Variants in CACNA1C observed in about 807,000 individuals in gnomAD.
CACNA1C encodes the protein calcium voltage-gated channel subunit alpha1 C.
A neutral mutation model predicts 229.0 loss-of-function variants in CACNA1C; 30 were observed. That is an observed-to-expected ratio of 0.13 (90% CI 0.10 to 0.18). CACNA1C has a LOEUF of 0.18. CACNA1C is among the 10% of genes least tolerant of loss of function. CACNA1C has a pLI of 1.00. For missense variants in CACNA1C, 1,658 were observed against 2,845.0 expected (o/e 0.58, Z 9.49); for synonymous variants, 1,114 against 1,132.5 (o/e 0.98, Z 0.33).
rs78666941 is a variant in CACNA1C, at chr12:2,152,163, T to C, written c.477+31733T>C. ...CCACATTATGGCATGCACATTAATG[T>C]AGGGATTGTTCATACAAAAGAGGGC... On this transcript the variant is annotated intron_variant, in intron 3 of 46. Coordinates refer to ENST00000399655, the MANE Select transcript of CACNA1C (RefSeq NM_000719.7). The surrounding 1 kb of genome is among the most constrained non-coding windows in gnomAD (Gnocchi z 4.2). Among the ~76,000 whole-genome samples the C allele has an allele frequency of 0.011, 1,710 of 152,278 alleles. 29 individuals carry two copies. The highest frequency in any genetic ancestry group is 0.039 in the African/African-American group (1,617 of 41,552).
intron 3 of CACNA1C, among the ~76,000 whole-genome samples, chr12:2,406,003 T>C (rs573145203): frequency 6.6e-6 from 1 of 152,356 alleles, no homozygotes; most frequent in East Asian, 1.9e-4. Flanking sequence ...TATTTCCCCT[T>C]CATTTGTGAA....
chr12:2,256,343 A>G lies in CACNA1C; in HGVS notation c.477+135913A>G, dbSNP rs369873473. On this transcript the variant is annotated intron_variant, in intron 3 of 46. Transcript: ENST00000399655. Reference sequence around the variant, plus strand: ...CATTGGTGTCTTAAAAATGACTTAAACACATAATTGGAACTGTTTTGCTAA... The same window carrying G: ...CATTGGTGTCTTAAAAATGACTTAAGCACATAATTGGAACTGTTTTGCTAA... 5.3e-5 allele frequency among the ~76,000 whole-genome samples: 8 copies of G among 152,334 alleles called. No homozygotes were observed. In the South Asian group the frequency reaches 1.5e-3, roughly 28 times the overall value.
At chr12:2,443,438 T>G (rs1004404950) in intron 3 of CACNA1C, among the ~76,000 whole-genome samples, 1 of 152,214 alleles carries the variant, frequency 6.6e-6, no homozygotes, top group African/African-American at 2.4e-5. Context: ...TCTGGGTGTT[T>G]CCATGCTATT....
chr12:2,010,015 A>C (rs2044119349), intron 1 of CACNA1C, among the ~76,000 whole-genome samples: 1 of 152,232 alleles, frequency 6.6e-6, no homozygotes, highest in African/African-American at 2.4e-5. Flanking sequence ...AATTAGTAGT[A>C]GTAAGAGTAT....
At chr12:2,298,630 A>G (rs570374882) in intron 3 of CACNA1C, among the ~76,000 whole-genome samples, 7 of 152,280 alleles carry the variant, frequency 4.6e-5, no homozygotes, top group African/African-American at 1.7e-4. Flanking sequence ...GGCTTTCAGG[A>G]CAGATTTGGT....
intron 11 of CACNA1C, among the ~76,000 whole-genome samples, chr12:2,562,931 A>T (rs2048282578): frequency 6.6e-6 from 1 of 152,214 alleles, no homozygotes; most frequent in South Asian, 2.1e-4. Context: ...ATAAATTATC[A>T]TGACTGTAGT....
intron 1 of CACNA1C, among the ~76,000 whole-genome samples, chr12:2,005,584 C>T (rs929986983): frequency 1.3e-5 from 2 of 149,286 alleles, no homozygotes; most frequent in African/African-American, 5.0e-5. Context: ...TATCTACTGC[C>T]ATGAGCTTGA....
rs116590927 is a variant in CACNA1C, at chr12:2,360,752, T to A, written c.478-88224T>A. Among the ~76,000 whole-genome samples, 1,340 of 152,300 alleles carry A rather than the reference T, an allele frequency of 8.8e-3. 16 individuals are homozygous for A. The highest frequency in any genetic ancestry group is 0.029 in the African/African-American group (1,211 of 41,518). ...TCCAGCTCTACCTTTCTGTCTCTAC[T>A]GGCTGTTTGAAGAATTGCAATGCTC... is the stretch of plus-strand genomic sequence containing the variant. On this transcript the variant is annotated intron_variant, in intron 3 of 46. Coordinates refer to ENST00000399655, the MANE Select transcript of CACNA1C (RefSeq NM_000719.7).
At chr12:2,551,412 C>T (rs554587182) in intron 10 of CACNA1C, among the ~76,000 whole-genome samples, 6 of 152,320 alleles carry the variant, frequency 3.9e-5, no homozygotes, top group African/African-American at 1.4e-4. Flanking sequence ...GAGAGCTCTG[C>T]AGAAATGGTC....
chr12:2,307,135 T>C (rs906608865), intron 3 of CACNA1C, among the ~76,000 whole-genome samples: 3 of 152,192 alleles, frequency 2.0e-5, no homozygotes, highest in African/African-American at 7.2e-5. Flanking sequence ...TCCTGGGTTG[T>C]ACCCTTGGGA....
At chr12:2,496,897 T>C (rs931856781) in intron 7 of CACNA1C, among the ~76,000 whole-genome samples, 8 of 152,160 alleles carry the variant, frequency 5.3e-5, no homozygotes, top group African/African-American at 1.9e-4. Flanking sequence ...CATCCTTTAC[T>C]CTCAGAATGT....
At chr12:2,414,465 A>G (rs1457412668) in intron 3 of CACNA1C, among the ~76,000 whole-genome samples, 1 of 152,188 alleles carries the variant, frequency 6.6e-6, no homozygotes, top group Non-Finnish European at 1.5e-5. Flanking sequence ...TAGTGGGAAC[A>G]GAAGGGAAGG....
intron 3 of CACNA1C, among the ~76,000 whole-genome samples, chr12:2,332,696 T>G (rs1167797950): frequency 1.3e-5 from 2 of 152,220 alleles, no homozygotes; most frequent in Non-Finnish European, 2.9e-5. Context: ...GAATAGGATG[T>G]GCCCATTTAA....
chr12:2,559,986 A>G (rs976511095), intron 11 of CACNA1C, among the ~76,000 whole-genome samples: 2 of 152,228 alleles, frequency 1.3e-5, no homozygotes, highest in Admixed American at 1.3e-4. Context: ...TTAATGACAT[A>G]TTTTGCATTC....
At chr12:2,276,901 CAG>C (rs1229703850) in intron 3 of CACNA1C, among the ~76,000 whole-genome samples, 1 of 151,978 alleles carries the variant, frequency 6.6e-6, no homozygotes, top group Non-Finnish European at 1.5e-5. Flanking sequence ...CCAGGGAGAC[CAG>C]AGAGACCAGA....
At chr12:2,304,635 A>T (rs2094864191) in intron 3 of CACNA1C, among the ~76,000 whole-genome samples, 1 of 152,068 alleles carries the variant, frequency 6.6e-6, no homozygotes, top group Non-Finnish European at 1.5e-5. Flanking sequence ...AGGCACAGAG[A>T]GCGGGTTGCT....
At chr12:2,333,380 G>A (rs534369979) in intron 3 of CACNA1C, among the ~76,000 whole-genome samples, 4 of 152,264 alleles carry the variant, frequency 2.6e-5, no homozygotes, top group African/African-American at 9.6e-5. Context: ...AACTGGGGGC[G>A]CTGGCCCCCA....
chr12:2,473,960 C>A (rs1249647313), intron 5 of CACNA1C, among the ~76,000 whole-genome samples: 2 of 151,992 alleles, frequency 1.3e-5, no homozygotes, highest in African/African-American at 4.8e-5. Flanking sequence ...CAGCAATGAA[C>A]AAATTTGGTT....
At chr12:1,982,053 A>T (rs2036302362) in intron 1 of CACNA1C, among the ~76,000 whole-genome samples, 1 of 152,148 alleles carries the variant, frequency 6.6e-6, no homozygotes, top group African/African-American at 2.4e-5. Context: ...GGCATTTCAG[A>T]TTTTGAGAAG....
Sources: gnomAD v4.1 joint callset for allele counts (sites outside exome capture counted in the v4.1 genomes callset) on GRCh38, gnomAD v4.1.1 for gene constraint, Gnocchi (gnomAD v3.1) non-coding constraint, MANE v1.5 for transcripts, NCBI Gene and HGNC (gene_info 2026-07-23, HGNC 2026-07-21) for gene names.